The following AKAP11 variants were observed in gnomAD, a reference collection of about 807,000 sequenced individuals.
The protein encoded by AKAP11 is A-kinase anchor protein 11.
Under a neutral mutation model 146.1 loss-of-function variants are expected in AKAP11, and 36 were observed. The ratio of observed to expected loss-of-function variants is 0.25; its 90% CI spans 0.19 to 0.33. The LOEUF is 0.33. Among genes scored for constraint, AKAP11 ranks in the 10% least tolerant of loss-of-function variants. AKAP11 has a pLI of 1.00. For missense variants in AKAP11, 2,201 were observed against 2,197.0 expected (o/e 1.00, Z -0.04); for synonymous variants, 780 against 786.5 (o/e 0.99, Z 0.14).
At chr13:42,291,109 A>G (rs1324409220) in intron 3 of AKAP11, among the ~76,000 whole-genome samples, 1 of 152,084 alleles carries the variant, frequency 6.6e-6, no homozygotes, top group Non-Finnish European at 1.5e-5. Flanking sequence ...AAAGATTTCC[A>G]TTTATTTTAA....
chr13:42,275,053 A>G (rs1480948794), intron 1 of AKAP11, among the ~76,000 whole-genome samples: 1 of 151,090 alleles, frequency 6.6e-6, no homozygotes, highest in Non-Finnish European at 1.5e-5. Flanking sequence ...TAGCCTACTT[A>G]AAAAAAAAGC....
At chr13:42,298,914 C>T (rs1183067286) in intron 7 of AKAP11, 117 bp downstream of exon 7, 3 of 1,081,628 alleles carry the variant, frequency 2.8e-6, no homozygotes, top group African/African-American at 1.7e-5. Context: ...CAATTTAAAC[C>T]TTTTAACTTT....
intron 1 of AKAP11, among the ~76,000 whole-genome samples, chr13:42,274,815 G>T (rs897704131): frequency 6.6e-6 from 1 of 152,214 alleles, no homozygotes; most frequent in Non-Finnish European, 1.5e-5. Context: ...AATAAATGGG[G>T]TAGAGGCCTG....
chr13:42,314,026 C>A, intron 11 of AKAP11, 86 bp downstream of exon 11: 2 of 1,345,962 alleles, frequency 1.5e-6, no homozygotes, highest in Non-Finnish European at 2.1e-6. Flanking sequence ...ATCAGATAGG[C>A]TCTAGGTTAT....
At position 42,302,271 on chromosome 13, in the gene AKAP11, G is replaced by C. The variant is rs774175694; in HGVS notation, c.3525G>C (p.Glu1175Asp). ...KLMRSLSEEV[E>D]SSESGELPEV... Reference sequence around the variant, plus strand: ...TGCGATCTCTTTCTGAAGAAGTTGAGAGTAGTGAAAGTGGAGAGCTCCCAG... The same window carrying C: ...TGCGATCTCTTTCTGAAGAAGTTGACAGTAGTGAAAGTGGAGAGCTCCCAG... Residue 1175 changes from glutamate to aspartate, a missense_variant, in exon 8 of 13, where the codon GAG becomes GAC. Glu to Asp is a conservative substitution (Grantham distance 45). Around this residue, in one of 3 missense-constraint regions of AKAP11, gnomAD observed 1,867 missense variants for 1,833.5 expected, o/e 1.02. Coordinates refer to ENST00000025301, the MANE Select transcript of AKAP11 (RefSeq NM_016248.4). The C allele has an allele frequency of 7.4e-6, 12 of 1,614,074 alleles. No homozygotes were observed. The East Asian group carries it at 2.7e-4, about 36-fold the overall frequency.
intron 1 of AKAP11, among the ~76,000 whole-genome samples, chr13:42,281,924 T>C (rs1959068499): frequency 1.3e-5 from 2 of 152,036 alleles, no homozygotes; most frequent in African/African-American, 4.8e-5. Flanking sequence ...TTCCTGTGGA[T>C]GCACAAATAT....
chr13:42,301,640 C>T lies in AKAP11; in HGVS notation c.2894C>T (p.Ala965Val), dbSNP rs747096365. The change falls in exon 8 of 13, where the codon GCA (alanine) becomes GTA (valine). Residue 965 changes from alanine (A) to valine (V), a missense_variant. Coordinates refer to ENST00000025301, the MANE Select transcript of AKAP11 (RefSeq NM_016248.4). The part of the protein sequence containing the change: ...KSVIPNIDKN[A>V]VYKESLPVSG... Reference sequence around the variant, plus strand: ...GTGATCCCAAATATAGATAAAAATGCAGTATACAAGGAAAGCTTGCCTGTT... The same window carrying T: ...GTGATCCCAAATATAGATAAAAATGTAGTATACAAGGAAAGCTTGCCTGTT... 8 of 1,613,870 alleles carry T rather than the reference C, an allele frequency of 5.0e-6. No individual in the cohort carries two copies. In the African/African-American group the frequency reaches 9.3e-5, roughly 19 times the overall value.
chr13:42,315,575 AAAG>A (rs1960780985), intron 11 of AKAP11, among the ~76,000 whole-genome samples: 2 of 152,246 alleles, frequency 1.3e-5, no homozygotes, highest in South Asian at 2.1e-4. Flanking sequence ...GATTAAGAAA[AAAG>A]AAGATACAAG....
Position 42,297,098 on chromosome 13 carries a change from C to A in AKAP11, c.267C>A (p.His89Gln). 1 of 1,590,124 alleles carries A rather than the reference C, an allele frequency of 6.3e-7. No individual in the cohort carries two copies. Among genetic ancestry groups the A allele is most frequent in the African/African-American group, 1.4e-5 (1 of 73,490 alleles). ...TTCCAGATATTCTGAATTCACTCCA[C>A]TTCTGCAGTCTAAATGAAAATGAAA... ...LELPDILNSL[H>Q]FCSLNENEII... Residue 89 changes from histidine (H) to glutamine (Q), a missense_variant, in exon 6 of 13, where the codon CAC (histidine) becomes CAA (glutamine). Physicochemically the swap from His to Gln is conservative, Grantham distance 24 (BLOSUM62 0). Around this residue, in one of 3 missense-constraint regions of AKAP11, gnomAD observed 331 missense variants for 347.4 expected, o/e 0.95. Transcript: ENST00000025301.
intron 8 of AKAP11, among the ~76,000 whole-genome samples, chr13:42,304,519 A>G (rs1471640511): frequency 6.6e-6 from 1 of 152,218 alleles, no homozygotes; most frequent in Non-Finnish European, 1.5e-5. Context: ...TAGTAAATGT[A>G]GAATATTACT....
At chr13:42,304,421 A>G (rs1190340401) in intron 8 of AKAP11, among the ~76,000 whole-genome samples, 1 of 152,190 alleles carries the variant, frequency 6.6e-6, no homozygotes, top group Non-Finnish European at 1.5e-5. Context: ...CAAACCTGGT[A>G]TGTACAGGGC....
In AKAP11 at chr13:42,321,428, G is replaced by C. The variant is rs1961081572; in HGVS notation, c.*2200G>C. The C allele has an allele frequency of 6.6e-6, 1 of 152,296 alleles. No homozygotes were observed. The highest frequency in any genetic ancestry group is 2.1e-4 in the South Asian group (1 of 4,828). The allele number at this position is 152,296 out of a possible 1,614,324, so 9.4% of individuals were successfully genotyped here. A position where few individuals can be genotyped will look rare whatever the true frequency, so the allele number is the denominator to read the frequency against. ...CAGACCAGTTATTAGGTATTAGCAT[G>C]TGTGGTAATAATAATAGTGGAACTT... is the stretch of plus-strand genomic sequence containing the variant. On this transcript the variant is annotated 3_prime_UTR_variant, in exon 13 of 13. Coordinates refer to ENST00000025301, the MANE Select transcript of AKAP11 (RefSeq NM_016248.4).
Position 42,300,981 on chromosome 13 carries a change from T to A in AKAP11, c.2235T>A (p.Ser745=), listed in dbSNP as rs1215317338. The change falls in exon 8 of 13, where the codon TCT becomes TCA. Residue 745 remains serine (S), a synonymous_variant. Coordinates refer to ENST00000025301, the MANE Select transcript of AKAP11 (RefSeq NM_016248.4). The part of the protein sequence containing the change: ...PSTQAVTFSP[S]FHNQAIMVTK... ...CACAGGCTGTCACGTTTTCCCCTTCTTTTCACAATCAAGCAATTATGGTGA... is the reference window on the plus strand; with the variant it reads ...CACAGGCTGTCACGTTTTCCCCTTCATTTCACAATCAAGCAATTATGGTGA... 6.2e-7 allele frequency: 1 copy of A among 1,614,128 alleles called. No individual in the cohort carries two copies. Among genetic ancestry groups the A allele is most frequent in the South Asian group, 1.1e-5 (1 of 91,074 alleles).
At chr13:42,313,157 C>G in intron 10 of AKAP11, 27 bp downstream of exon 10, 1 of 1,530,136 alleles carries the variant, frequency 6.5e-7, no homozygotes, top group Non-Finnish European at 9.0e-7. Context: ...AACTTAAAAA[C>G]TGATGAGTCT....
Position 42,300,966 on chromosome 13 carries a change from C to G in AKAP11, c.2220C>G (p.Val740=). The G allele has an allele frequency of 6.2e-7, 1 of 1,614,104 alleles. No homozygotes were observed. The change falls in exon 8 of 13, where the codon GTC becomes GTG. Residue 740 remains valine, a synonymous_variant. Coordinates refer to ENST00000025301, the MANE Select transcript of AKAP11 (RefSeq NM_016248.4). Reference sequence around the variant, plus strand: ...GTGTAGTGCCATCGACACAGGCTGTCACGTTTTCCCCTTCTTTTCACAATC... The same window carrying G: ...GTGTAGTGCCATCGACACAGGCTGTGACGTTTTCCCCTTCTTTTCACAATC... The part of the protein sequence containing the change: ...AESVVPSTQA[V]TFSPSFHNQA...
At chr13:42,293,228 T>C (rs565915485) in intron 4 of AKAP11, among the ~76,000 whole-genome samples, 1 of 152,240 alleles carries the variant, frequency 6.6e-6, no homozygotes, top group South Asian at 2.1e-4. Context: ...CCTGGACTTA[T>C]GATCGAGTTA....
Position 42,318,557 on chromosome 13 carries a change from GTATT to G in AKAP11, c.5566-513_5566-510del, listed in dbSNP as rs139227982. Among the ~76,000 whole-genome samples, 41 of 152,042 alleles carry G rather than the reference GTATT, an allele frequency of 2.7e-4. 1 individual carries two copies. The highest frequency in any genetic ancestry group is 1.6e-4 in the Non-Finnish European group (11 of 67,960). On this transcript the variant is annotated intron_variant, in intron 12 of 12. Transcript: ENST00000025301. ...GTGACAACAGGATTTATTTAAACCTGTATTTATTTATTTATTTATTTGTTGTTTT... is the reference window on the plus strand; with the variant it reads ...GTGACAACAGGATTTATTTAAACCTGTATTTATTTATTTATTTGTTGTTTT...
chr13:42,310,167 G>T (rs1960481775), intron 9 of AKAP11, among the ~76,000 whole-genome samples: 2 of 152,170 alleles, frequency 1.3e-5, no homozygotes, highest in East Asian at 3.9e-4. Context: ...ATTAATATTT[G>T]AACTTAAGTG....
At chr13:42,298,127 G>A (rs147231715) in intron 6 of AKAP11, among the ~76,000 whole-genome samples, 10 of 152,002 alleles carry the variant, frequency 6.6e-5, no homozygotes, top group East Asian at 3.9e-4. Context: ...TTGAAACTAC[G>A]GGAAAATGGG....
Sources: gnomAD v4.1 joint callset for allele counts (sites outside exome capture counted in the v4.1 genomes callset) on GRCh38, gnomAD v4.1.1 for gene constraint, gnomAD v4.1.1 regional missense constraint, MANE v1.5 for transcripts, NCBI Gene and HGNC (gene_info 2026-07-23, HGNC 2026-07-21) for gene names.